The following SCMH1 variants were observed in gnomAD, a reference collection of about 807,000 sequenced individuals.
SCMH1 encodes Scm polycomb group protein homolog 1.
In SCMH1, 37 loss-of-function variants were observed where a neutral mutation model predicts 70.8. The observed-to-expected ratio is 0.52, with a 90% confidence interval of 0.40 to 0.69. The LOEUF (loss-of-function observed/expected upper bound fraction) is 0.69, where lower values mean the gene tolerates loss of function less well. Ranked by LOEUF, SCMH1 falls within the 30% of genes least tolerant of loss-of-function variation. The pLI, the probability that SCMH1 is intolerant of heterozygous loss-of-function variation, is 0.00. For missense variants in SCMH1, 607 were observed against 827.3 expected, an observed-to-expected ratio of 0.73 and a Z score of 3.27; for synonymous variants, 292 against 307.4, an observed-to-expected ratio of 0.95 and a Z score of 0.52.
intron 4 of SCMH1, among the ~76,000 whole-genome samples, chr1:41,155,984 C>CAAAAAAAAAAAAAAAAAAAAAA (rs386366781): frequency 2.7e-5 from 2 of 74,652 alleles, no homozygotes; most frequent in African/African-American, 6.1e-5. Flanking sequence ...GACTCCGTCT[C>CAAAAAAAAAAAAAAAAAAAAAA]AAAAAAAAAA....
At chr1:41,167,884 G>C (rs1646511068) in intron 2 of SCMH1, among the ~76,000 whole-genome samples, 1 of 148,464 alleles carries the variant, frequency 6.7e-6, no homozygotes, top group Admixed American at 6.7e-5. Flanking sequence ...GGATTGCTGG[G>C]TATAGTATGC....
At chr1:41,034,337 T>TTTTCTTTTC (rs1644989255) in intron 13 of SCMH1, among the ~76,000 whole-genome samples, 5 of 151,562 alleles carry the variant, frequency 3.3e-5, no homozygotes, top group Non-Finnish European at 7.4e-5. Context: ...CTTTTCTTTT[T>TTTTCTTTTC]TTTTTTTTGA....
At chr1:41,143,813 C>T (rs564133973) in intron 5 of SCMH1, among the ~76,000 whole-genome samples, 115 of 152,232 alleles carry the variant, frequency 7.6e-4, no homozygotes, top group African/African-American at 2.5e-3. Flanking sequence ...GATTGCTTTG[C>T]GTTTTCTAGT....
intron 1 of SCMH1, among the ~76,000 whole-genome samples, chr1:41,239,699 T>C (rs891100960): frequency 4.1e-4 from 62 of 152,224 alleles, no homozygotes; most frequent in African/African-American, 1.5e-3. Flanking sequence ...GGCGTGATCA[T>C]GGCTCACTGA....
Position 41,078,926 on chromosome 1 carries a change from G to A in SCMH1, c.746-3475C>T, listed in dbSNP as rs186804291. Among the ~76,000 whole-genome samples the A allele has an allele frequency of 9.5e-4, 144 of 152,296 alleles. 2 individuals carry two copies. The highest frequency in any genetic ancestry group is 2.8e-3 in the African/African-American group (117 of 41,582). On this transcript the variant is annotated intron_variant, in intron 8 of 14. Transcript: ENST00000337495. ...AACAATAATAAAAATGGCTTGTGCC[G>A]TTTATAATATATGTATTAATAAGTT... is the stretch of plus-strand genomic sequence containing the variant.
At chr1:41,237,581 C>T (rs1431152527) in intron 1 of SCMH1, among the ~76,000 whole-genome samples, 1 of 152,148 alleles carries the variant, frequency 6.6e-6, no homozygotes, top group Non-Finnish European at 1.5e-5. Context: ...ATGCCCCAGC[C>T]CATCTCTCTA....
intron 1 of SCMH1, among the ~76,000 whole-genome samples, chr1:41,207,793 T>A (rs528672457): frequency 1.3e-5 from 2 of 152,074 alleles, no homozygotes; most frequent in African/African-American, 4.8e-5. Flanking sequence ...CTGGAGAGGA[T>A]GTGGAGAAAT....
rs187025940 is a variant in SCMH1, at chr1:41,068,271, G to T, written c.1105+2324C>A. Among the ~76,000 whole-genome samples, 3 of 152,234 alleles carry T rather than the reference G, an allele frequency of 2.0e-5. No homozygotes were observed. In the East Asian group the frequency reaches 5.8e-4, roughly 29 times the overall value. On this transcript the variant is annotated intron_variant, in intron 10 of 14. Transcript: ENST00000337495. ...AGTTGAGGAAAACTTGATGAAAGTTGACCAAAAGGCAAAGAATAGGGGTAA... is the reference window on the plus strand; with the variant it reads ...AGTTGAGGAAAACTTGATGAAAGTTTACCAAAAGGCAAAGAATAGGGGTAA...
intron 4 of SCMH1, chr1:41,159,679 A>G: frequency 6.6e-7 from 1 of 1,505,410 alleles, no homozygotes; most frequent in Admixed American, 2.3e-5. Flanking sequence ...AGTTTTAAAG[A>G]ATAATAAAAA....
At chr1:41,034,028 C>A in intron 13 of SCMH1, 1 of 1,612,858 alleles carries the variant, frequency 6.2e-7, no homozygotes, top group Non-Finnish European at 8.5e-7. Flanking sequence ...TCCCTTCTTT[C>A]ATTTGATCCT....
chr1:41,084,030 A>T (rs1660832692), intron 8 of SCMH1, among the ~76,000 whole-genome samples: 2 of 152,210 alleles, frequency 1.3e-5, no homozygotes, highest in Admixed American at 1.3e-4. Context: ...ACCCTAGAAG[A>T]AATCCTAGGC....
intron 8 of SCMH1, among the ~76,000 whole-genome samples, chr1:41,106,754 A>G (rs1198225119): frequency 6.6e-6 from 1 of 151,618 alleles, no homozygotes; most frequent in African/African-American, 2.4e-5. Context: ...CAGTGGCGCA[A>G]TCTCAGCTCA....
chr1:41,207,119 G>A (rs557045621), intron 1 of SCMH1, among the ~76,000 whole-genome samples: 1 of 152,306 alleles, frequency 6.6e-6, no homozygotes, highest in African/African-American at 2.4e-5. Flanking sequence ...ATGTTATGAA[G>A]AAACTGCATC....
intron 8 of SCMH1, among the ~76,000 whole-genome samples, chr1:41,091,842 C>T (rs976407459): frequency 1.3e-5 from 2 of 152,092 alleles, no homozygotes; most frequent in East Asian, 3.9e-4. Context: ...TCAAGGAGAA[C>T]TACAAACCAC....
At chr1:41,140,274 AATG>A (rs1483186058) in intron 6 of SCMH1, among the ~76,000 whole-genome samples, 1 of 147,362 alleles carries the variant, frequency 6.8e-6, no homozygotes, top group African/African-American at 2.6e-5. Context: ...AATTTGAACC[AATG>A]ATATTTTACC....
Position 41,181,273 on chromosome 1 carries a change from G to A in SCMH1, c.13+4848C>T, listed in dbSNP as rs1383382496. Reference sequence around the variant, plus strand: ...GAAGAAAACCTAGGCAATACCATTCGGGACACAGGCATGGGCTAGGACTTC... The same window carrying A: ...GAAGAAAACCTAGGCAATACCATTCAGGACACAGGCATGGGCTAGGACTTC... On this transcript the variant is annotated intron_variant, in intron 2 of 14. Transcript: ENST00000337495. Among the ~76,000 whole-genome samples, 8 of 152,172 alleles carry A rather than the reference G, an allele frequency of 5.3e-5. No homozygotes were observed. In the South Asian group the frequency reaches 8.3e-4, roughly 16 times the overall value.
chr1:41,033,803 A>T (rs1358903282), intron 13 of SCMH1, among the ~76,000 whole-genome samples, 180 bp downstream of exon 14: 2 of 152,196 alleles, frequency 1.3e-5, no homozygotes, highest in Admixed American at 1.3e-4. Context: ...TCAGGCTGTA[A>T]AGAGATTTAT....
intron 12 of SCMH1, among the ~76,000 whole-genome samples, chr1:41,040,825 T>C (rs1160214240): frequency 2.0e-5 from 3 of 151,822 alleles, no homozygotes; most frequent in Non-Finnish European, 4.4e-5. Flanking sequence ...GATCGTGCCA[T>C]TGCACTCCAG....
At chr1:41,230,926 A>T (rs539770903) in intron 1 of SCMH1, among the ~76,000 whole-genome samples, 2 of 152,232 alleles carry the variant, frequency 1.3e-5, no homozygotes, top group South Asian at 2.1e-4. Context: ...GCTACAAACG[A>T]AGTTAACCAG....
Sources: gnomAD v4.1 joint callset for allele counts (sites outside exome capture counted in the v4.1 genomes callset) on GRCh38, gnomAD v4.1.1 for gene constraint, MANE v1.5 for transcripts, NCBI Gene and HGNC (gene_info 2026-07-23, HGNC 2026-07-21) for gene names.